The following WDHD1 variants were observed in gnomAD, a reference collection of about 807,000 sequenced individuals.
WDHD1 encodes the protein WD repeat and HMG-box DNA-binding protein 1.
WDHD1 carries 111 observed loss-of-function variants against 135.4 expected under a neutral mutation model. The observed-to-expected ratio is 0.82, with a 90% CI of 0.70 to 0.96. The LOEUF (loss-of-function observed/expected upper bound fraction) is 0.96, where lower values mean the gene tolerates loss of function less well. WDHD1 is among the 40% of genes least tolerant of loss of function. The pLI is 0.00. For missense variants in WDHD1, 1,351 were observed against 1,336.3 expected (o/e 1.01, Z -0.17); for synonymous variants, 434 against 439.0 (o/e 0.99, Z 0.14).
At chr14:54,966,367 TAAG>T in intron 18 of WDHD1, 105 bp downstream of exon 18, 3 of 1,270,844 alleles carry the variant, frequency 2.4e-6, no homozygotes, top group Admixed American at 5.9e-5. Context: ...AAAAAAAACT[TAAG>T]AATCTTAGGT....
chr14:55,001,542 C>A (rs1280725310), intron 8 of WDHD1, among the ~76,000 whole-genome samples: 1 of 152,206 alleles, frequency 6.6e-6, no homozygotes, highest in African/African-American at 2.4e-5. Context: ...GGATTACAGG[C>A]ATGAGCCACT....
intron 2 of WDHD1, among the ~76,000 whole-genome samples, chr14:55,023,851 G>A (rs2042388956): frequency 6.6e-6 from 1 of 152,152 alleles, no homozygotes; most frequent in African/African-American, 2.4e-5. Flanking sequence ...ATTTAACACT[G>A]CATCTTTATG....
chr14:54,951,785 CA>C (rs1226616409), intron 24 of WDHD1, among the ~76,000 whole-genome samples: 5 of 151,866 alleles, frequency 3.3e-5, no homozygotes, highest in African/African-American at 1.2e-4. Flanking sequence ...AGCAGCACTT[CA>C]AAAAACTTAT....
At chr14:55,020,274 G>T (rs537504987) in intron 2 of WDHD1, among the ~76,000 whole-genome samples, 11 of 152,224 alleles carry the variant, frequency 7.2e-5, no homozygotes, top group African/African-American at 2.6e-4. Context: ...CCACTTCAAG[G>T]TTTTCATTCT....
intron 3 of WDHD1, among the ~76,000 whole-genome samples, chr14:55,012,716 T>G (rs2042191062): frequency 6.6e-6 from 1 of 152,098 alleles, no homozygotes; most frequent in Admixed American, 6.5e-5. Flanking sequence ...TCATCCCATC[T>G]TGGAAAGGTA....
At chr14:54,959,790 C>A (rs531417925) in intron 21 of WDHD1, among the ~76,000 whole-genome samples, 13 of 152,028 alleles carry the variant, frequency 8.6e-5, no homozygotes, top group East Asian at 3.9e-4. Flanking sequence ...CCGCACCCCC[C>A]CCACCAAACA....
At chr14:54,961,394 T>G (rs1339731142) in intron 21 of WDHD1, among the ~76,000 whole-genome samples, 1 of 152,160 alleles carries the variant, frequency 6.6e-6, no homozygotes, top group Non-Finnish European at 1.5e-5. Flanking sequence ...ATGACTTGGC[T>G]CCTGCCCATC....
chr14:54,961,869 C>G (rs1254530794), intron 21 of WDHD1, among the ~76,000 whole-genome samples: 1 of 151,156 alleles, frequency 6.6e-6, no homozygotes, highest in Admixed American at 6.6e-5. Context: ...TGGAGTCTCA[C>G]TCCATTGCCC....
intron 2 of WDHD1, among the ~76,000 whole-genome samples, chr14:55,016,490 C>A (rs916374556): frequency 1.3e-5 from 2 of 152,172 alleles, no homozygotes; most frequent in Admixed American, 6.5e-5. Flanking sequence ...GAAGAAGCAT[C>A]AGTATCTATT....
chr14:54,956,510 C>T (rs144794579), intron 23 of WDHD1, among the ~76,000 whole-genome samples: 167 of 152,026 alleles, frequency 1.1e-3, no homozygotes, highest in African/African-American at 3.8e-3. Context: ...TGATGTCAGG[C>T]CTCTGTAATC....
intron 15 of WDHD1, among the ~76,000 whole-genome samples, chr14:54,982,342 TTAAACA>T (rs1309220255): frequency 2.0e-5 from 3 of 152,056 alleles, no homozygotes; most frequent in African/African-American, 7.3e-5. Context: ...TAGTAAAAAA[TTAAACA>T]TGAATCAGAA....
rs150035695 is a variant in WDHD1, at chr14:54,945,997, CA to C, written c.3051-1528del. Reference sequence around the variant, plus strand: ...CATTTGCCCAATTTCTGAAAATATGCAAATTTTAAGTAATCTTAACGTAAAC... The same window carrying C: ...CATTTGCCCAATTTCTGAAAATATGCAATTTTAAGTAATCTTAACGTAAAC... On this transcript the variant is annotated intron_variant, in intron 24 of 25. Coordinates refer to ENST00000360586, the MANE Select transcript of WDHD1 (RefSeq NM_007086.4). 7.3e-3 allele frequency among the ~76,000 whole-genome samples: 1,114 copies of C among 152,222 alleles called. 14 individuals are homozygous for C. Among genetic ancestry groups the C allele is most frequent in the African/African-American group, 0.025 (1,042 of 41,534 alleles).
chr14:54,992,656 T>C (rs1314768745), intron 11 of WDHD1, among the ~76,000 whole-genome samples: 1 of 152,158 alleles, frequency 6.6e-6, no homozygotes, highest in Non-Finnish European at 1.5e-5. Context: ...GACTCACGCT[T>C]GTAATTGCAG....
chr14:55,025,956 C>A (rs1227419352), intron 2 of WDHD1, among the ~76,000 whole-genome samples: 1 of 152,258 alleles, frequency 6.6e-6, no homozygotes, highest in Non-Finnish European at 1.5e-5. Context: ...CCTTCCCTGA[C>A]TCCTTTAACT....
intron 2 of WDHD1, among the ~76,000 whole-genome samples, chr14:55,023,885 C>A (rs146885158): frequency 1.3e-5 from 2 of 152,066 alleles, no homozygotes; most frequent in African/African-American, 2.4e-5. Flanking sequence ...CTCTTGACTG[C>A]GGATGGTCTG....
intron 10 of WDHD1, among the ~76,000 whole-genome samples, 177 bp from the exon 11 acceptor site, chr14:54,995,990 A>C (rs1351694576): frequency 6.6e-6 from 1 of 152,216 alleles, no homozygotes; most frequent in African/African-American, 2.4e-5. Flanking sequence ...TTACACAATA[A>C]GACCCAGTCC....
chr14:54,941,449 T>TA lies in WDHD1; in HGVS notation c.*40dup, dbSNP rs760341113. 225 of 1,510,086 alleles carry TA rather than the reference T, an allele frequency of 1.5e-4. No individual in the cohort carries two copies. The highest frequency in any genetic ancestry group is 1.6e-4 in the Admixed American group (8 of 48,728). The allele number at this position is 1,510,086 out of a possible 1,614,324, so 93.5% of individuals were successfully genotyped here. On this transcript the variant is annotated 3_prime_UTR_variant, in exon 26 of 26. Transcript: ENST00000360586. ...ACTCGAGTCTATATTCAAAGATGAG[T>TA]AAAAAAAAATCCATTACTTCCCTAG...
At chr14:55,013,334 T>G in intron 3 of WDHD1, 151 bp downstream of exon 3, 1 of 524,056 alleles carries the variant, frequency 1.9e-6, no homozygotes, top group Non-Finnish European at 3.3e-6. Flanking sequence ...AAAAAAATGG[T>G]AGGGCAAGTT....
chr14:55,008,554 A>G (rs2042111400), intron 5 of WDHD1, 54 bp downstream of exon 5: 1 of 1,520,540 alleles, frequency 6.6e-7, no homozygotes, highest in South Asian at 1.2e-5. Flanking sequence ...AGTAGGAAAT[A>G]TATTTTTAAA....
Sources: allele counts gnomAD v4.1 joint callset (sites outside exome capture counted in the v4.1 genomes callset), GRCh38; gene constraint gnomAD v4.1.1; transcripts MANE v1.5; gene names NCBI Gene and HGNC (gene_info 2026-07-23, HGNC 2026-07-21).